The following NOL9 variants were observed in gnomAD, a reference collection of about 807,000 sequenced individuals.
The protein encoded by NOL9 is nucleolar protein 9.
NOL9 carries 28 observed loss-of-function variants against 67.9 expected under a neutral mutation model. The observed-to-expected ratio is 0.41, with a 90% confidence interval of 0.31 to 0.57. The LOEUF (loss-of-function observed/expected upper bound fraction) is 0.57. Among genes scored for constraint, NOL9 ranks in the 20% least tolerant of loss-of-function variants. The pLI, the probability that NOL9 is intolerant of heterozygous loss-of-function variation, is 0.25. For synonymous variants in NOL9, 356 were observed against 352.2 expected (o/e 1.01, Z -0.12); for missense variants, 777 against 897.0 (o/e 0.87, Z 1.71).
intron 5 of NOL9, among the ~76,000 whole-genome samples, chr1:6,544,537 A>ATGCACG (rs1639374136): frequency 3.6e-5 from 5 of 139,078 alleles, no homozygotes; most frequent in Middle Eastern, 3.4e-3. Flanking sequence ...ACGCACGCAC[A>ATGCACG]CACGCACCCC....
intron 3 of NOL9, chr1:6,548,117 C>T (rs999457009): frequency 5.4e-5 from 11 of 204,086 alleles, no homozygotes; most frequent in East Asian, 2.2e-4. Context: ...TCGAGGGGTC[C>T]GTGCCATGAG....
chr1:6,531,160 G>A (rs1031703666), intron 9 of NOL9, among the ~76,000 whole-genome samples: 1 of 152,084 alleles, frequency 6.6e-6, no homozygotes, highest in Non-Finnish European at 1.5e-5. Context: ...TGGATTCCAA[G>A]TTGCAAATAC....
chr1:6,548,138 CTTT>C (rs201835857), intron 3 of NOL9: 112 of 101,852 alleles, frequency 1.1e-3, no homozygotes, highest in African/African-American at 2.9e-3. Flanking sequence ...ACTTAAAGTT[CTTT>C]TTTTTTTTTT....
At chr1:6,549,367 A>T in intron 3 of NOL9, 1 of 482,836 alleles carries the variant, frequency 2.1e-6, no homozygotes, top group Non-Finnish European at 3.6e-6. Flanking sequence ...ATGGTGGCTC[A>T]GGTATGAAAC....
At chr1:6,535,745 G>A (rs1285048916) in intron 6 of NOL9, among the ~76,000 whole-genome samples, 2 of 152,152 alleles carry the variant, frequency 1.3e-5, no homozygotes, top group East Asian at 3.9e-4. Context: ...TGGCCAACAT[G>A]GTGAAACCCC....
intron 6 of NOL9, among the ~76,000 whole-genome samples, chr1:6,541,123 C>G (rs1042366820): frequency 2.7e-5 from 4 of 150,236 alleles, no homozygotes; most frequent in African/African-American, 9.8e-5. Flanking sequence ...TCATGCGATT[C>G]TCCTGCCTCG....
intron 1 of NOL9, 145 bp downstream of exon 1, chr1:6,553,962 C>G (rs557810355): frequency 1.6e-6 from 1 of 628,294 alleles, no homozygotes; most frequent in African/African-American, 2.0e-5. Context: ...TTGCCACCAA[C>G]CATCAAGAGG....
intron 6 of NOL9, among the ~76,000 whole-genome samples, chr1:6,539,239 T>C (rs555978406): frequency 1.3e-5 from 2 of 152,334 alleles, no homozygotes; most frequent in South Asian, 4.1e-4. Flanking sequence ...AAAAACAGTT[T>C]GGCAGTTCTC....
intron 6 of NOL9, among the ~76,000 whole-genome samples, 153 bp from the exon 7 acceptor site, chr1:6,533,594 AT>A (rs1639083066): frequency 6.6e-6 from 1 of 152,230 alleles, no homozygotes; most frequent in African/African-American, 2.4e-5. Flanking sequence ...CTCTAATTCC[AT>A]TTTTTGGAAA....
chr1:6,552,998 G>A (rs777433017), intron 1 of NOL9, among the ~76,000 whole-genome samples: 1 of 152,156 alleles, frequency 6.6e-6, no homozygotes, highest in Non-Finnish European at 1.5e-5. Context: ...TTTTAGTAGA[G>A]ATGAGGTTTC....
Position 6,553,779 on chromosome 1 carries a change from T to C in NOL9, c.396+328A>G, listed in dbSNP as rs529113038. On this transcript the variant is annotated intron_variant, in intron 1 of 11. Coordinates refer to ENST00000377705, the MANE Select transcript of NOL9 (RefSeq NM_024654.5). ...ATCGCTTCAACCCGGGATGCGGAGG[T>C]TGCAGTGAGCCGAGATTGTGCCACT... is the stretch of plus-strand genomic sequence containing the variant. Among the ~76,000 whole-genome samples, 5 of 151,914 alleles carry C rather than the reference T, an allele frequency of 3.3e-5. No homozygotes were observed. In the South Asian group the frequency reaches 1.0e-3, roughly 32 times the overall value.
At chr1:6,547,785 G>A (rs1183494388) in intron 3 of NOL9, 1 of 153,076 alleles carries the variant, frequency 6.5e-6, no homozygotes. Context: ...GCCCGGAAAG[G>A]TTGAGGCTGC....
At chr1:6,545,695 TGAAG>T (rs1221780779) in intron 3 of NOL9, among the ~76,000 whole-genome samples, 1 of 122,348 alleles carries the variant, frequency 8.2e-6, no homozygotes, top group Non-Finnish European at 1.8e-5. Context: ...CAGAAGAGGA[TGAAG>T]GAAGGGCCCC....
intron 9 of NOL9, among the ~76,000 whole-genome samples, chr1:6,529,975 C>G (rs1036302806): frequency 6.6e-6 from 1 of 152,048 alleles, no homozygotes; most frequent in African/African-American, 2.4e-5. Context: ...AAAATTTAGC[C>G]AAGTGTGGTG....
chr1:6,530,817 GCCTGGCACAGAGC>G (rs1639007995), intron 9 of NOL9, among the ~76,000 whole-genome samples: 1 of 152,276 alleles, frequency 6.6e-6, no homozygotes, highest in African/African-American at 2.4e-5. Context: ...TTCGCAGAGT[GCCTGGCACAGAGC>G]AAGCGCTCAA....
intron 6 of NOL9, among the ~76,000 whole-genome samples, chr1:6,535,825 G>A (rs1238909453): frequency 1.3e-5 from 2 of 152,080 alleles, no homozygotes; most frequent in African/African-American, 4.8e-5. Flanking sequence ...CTACTTGGGA[G>A]GCTGAGGCAG....
chr1:6,528,910 T>A, intron 10 of NOL9, 84 bp downstream of exon 10: 1 of 1,373,864 alleles, frequency 7.3e-7, no homozygotes, highest in Non-Finnish European at 1.0e-6. Flanking sequence ...TAGACACAGC[T>A]ACAAGGTCAA....
chr1:6,535,706 C>T (rs1241116425), intron 6 of NOL9, among the ~76,000 whole-genome samples: 1 of 152,174 alleles, frequency 6.6e-6, no homozygotes, highest in Non-Finnish European at 1.5e-5. Context: ...GCAGGTGGAT[C>T]ACCTGAGGTC....
chr1:6,529,205 G>C (rs1469523353), intron 9 of NOL9, 34 bp from the exon 10 acceptor site: 3 of 1,586,738 alleles, frequency 1.9e-6, no homozygotes, highest in Middle Eastern at 3.3e-4. Context: ...CTCTATTCAT[G>C]GCTACTTTGA....
Sources: gnomAD v4.1 joint callset for allele counts (sites outside exome capture counted in the v4.1 genomes callset) on GRCh38, gnomAD v4.1.1 for gene constraint, MANE v1.5 for transcripts, NCBI Gene and HGNC (gene_info 2026-07-23, HGNC 2026-07-21) for gene names.